The following GTF3C4 variants were observed in gnomAD, a reference collection of about 807,000 sequenced individuals.
GTF3C4 encodes general transcription factor 3C polypeptide 4.
In GTF3C4, 28 loss-of-function variants were observed where a neutral mutation model predicts 67.5. That is an observed-to-expected ratio of 0.41 (90% CI 0.31 to 0.57). The LOEUF (loss-of-function observed/expected upper bound fraction) is 0.57, where lower values mean the gene tolerates loss of function less well. Ranked by LOEUF, GTF3C4 falls within the 20% of genes least tolerant of loss-of-function variation. The probability of loss-of-function intolerance (pLI) is 0.21; values close to 1 mark genes in which losing one functional copy is unlikely to be tolerated. For missense variants in GTF3C4, 831 were observed against 1,033.2 expected (o/e 0.80, Z 2.68); for synonymous variants, 409 against 393.0 (o/e 1.04, Z -0.48).
At chr9:132,671,190 A>C (rs1433538552) in intron 1 of GTF3C4, among the ~76,000 whole-genome samples, 2 of 151,276 alleles carry the variant, frequency 1.3e-5, no homozygotes, top group Non-Finnish European at 1.5e-5. Flanking sequence ...ACACAGGTAC[A>C]CACCCAGGGG....
In GTF3C4 at chr9:132,670,628, G is replaced by A. The variant is rs765144204; in HGVS notation, c.30G>A (p.Gly10=). The A allele has an allele frequency of 3.4e-6, 5 of 1,452,014 alleles. No homozygotes were observed. The South Asian group carries it at 7.3e-5, about 21-fold the overall frequency. 89.9% of individuals were successfully genotyped at this position (1,452,014 alleles called of 1,614,324 possible). ...ACACGGCCGACCAGGCCCGGGTGGG[G>A]CCCGCGGACGACGGGCCTGCGCCGT... MNTADQARV[G]PADDGPAPSG... Residue 10 remains glycine (G), a synonymous_variant, in exon 1 of 5, where the codon GGG becomes GGA. Coordinates refer to ENST00000372146, the MANE Select transcript of GTF3C4 (RefSeq NM_012204.4).
intron 1 of GTF3C4, among the ~76,000 whole-genome samples, chr9:132,673,949 T>C (rs1211729742): frequency 6.6e-6 from 1 of 152,222 alleles, no homozygotes; most frequent in African/African-American, 2.4e-5. Context: ...TAGTGAGACA[T>C]TTGTGTATAG....
At chr9:132,687,205 C>G in intron 3 of GTF3C4, 34 bp from the exon 4 acceptor site, 1 of 1,185,574 alleles carries the variant, frequency 8.4e-7, no homozygotes, top group East Asian at 2.3e-5. Context: ...AGAGCAAACC[C>G]TCTCCCTTGC....
chr9:132,674,105 C>T (rs533736506), intron 1 of GTF3C4, among the ~76,000 whole-genome samples: 1 of 152,330 alleles, frequency 6.6e-6, no homozygotes, highest in East Asian at 1.9e-4. Flanking sequence ...AAGAAGCTTA[C>T]TGTCTAAAAG....
chr9:132,673,345 A>AT (rs1835816405), intron 1 of GTF3C4, among the ~76,000 whole-genome samples: 1 of 152,134 alleles, frequency 6.6e-6, no homozygotes, highest in African/African-American at 2.4e-5. Context: ...GGAAATCCTT[A>AT]TATAGCTCTC....
chr9:132,681,966 T>TAAAAAAAAA (rs56402111), intron 2 of GTF3C4, among the ~76,000 whole-genome samples: 5 of 114,696 alleles, frequency 4.4e-5, no homozygotes, highest in Non-Finnish European at 5.2e-5. Flanking sequence ...CTACATAAAG[T>TAAAAAAAAA]AAAAAAAAAA....
chr9:132,675,768 T>C (rs988676392), intron 1 of GTF3C4, among the ~76,000 whole-genome samples: 3 of 152,208 alleles, frequency 2.0e-5, no homozygotes, highest in Non-Finnish European at 4.4e-5. Flanking sequence ...TGAAACACAC[T>C]GTAGGAAAAG....
chr9:132,670,259 G>A, upstream of GTF3C4: 9 of 1,522,602 alleles, frequency 5.9e-6, no homozygotes, highest in African/African-American at 1.4e-5. Context: ...TCTCACCGAC[G>A]AGCCTCCCCT....
chr9:132,675,771 A>G (rs1237348805), intron 1 of GTF3C4, among the ~76,000 whole-genome samples: 1 of 152,152 alleles, frequency 6.6e-6, no homozygotes, highest in Non-Finnish European at 1.5e-5. Flanking sequence ...AACACACTGT[A>G]GGAAAAGTTA....
At chr9:132,674,319 A>G (rs1372963430) in intron 1 of GTF3C4, among the ~76,000 whole-genome samples, 1 of 152,246 alleles carries the variant, frequency 6.6e-6, no homozygotes, top group Non-Finnish European at 1.5e-5. Context: ...CTCCTTGGGC[A>G]TCTGAATACT....
intron 3 of GTF3C4, among the ~76,000 whole-genome samples, chr9:132,686,711 C>T (rs546834425): frequency 2.2e-4 from 33 of 152,256 alleles, no homozygotes; most frequent in Non-Finnish European, 3.4e-4. Flanking sequence ...CCCCAGTGTA[C>T]TGTCAGAGTC....
chr9:132,671,777 A>G (rs552771222), intron 1 of GTF3C4, among the ~76,000 whole-genome samples: 2 of 152,202 alleles, frequency 1.3e-5, no homozygotes, highest in Admixed American at 1.3e-4. Context: ...GTGCTGCCCC[A>G]TGTTCTGGAA....
chr9:132,670,719 C>T lies in GTF3C4; in HGVS notation c.121C>T (p.Pro41Ser). 1 of 1,529,084 alleles carries T rather than the reference C, an allele frequency of 6.5e-7. No homozygotes were observed. Among genetic ancestry groups the T allele is most frequent in the Non-Finnish European group, 8.7e-7 (1 of 1,145,066 alleles). 94.7% of individuals were successfully genotyped at this position (1,529,084 alleles called of 1,614,324 possible). ...GAAGGAGCCAGCAGCGGACGCGGCC[C>T]CGGGGCCCAGCGCTGCATTCCGCCT... is the stretch of plus-strand genomic sequence containing the variant. ...GGKEPAADAA[P>S]GPSAAFRLMV... Residue 41 changes from proline to serine, a missense_variant, in exon 1 of 5, where the codon CCG (proline) becomes TCG (serine). Physicochemically the swap from Pro to Ser is moderately conservative, Grantham distance 74 (BLOSUM62 -1). Transcript: ENST00000372146.
At position 132,670,675 on chromosome 9, in the gene GTF3C4, G is replaced by C. The variant is rs1028873172; in HGVS notation, c.77G>C (p.Gly26Ala). The C allele has an allele frequency of 4.0e-6, 6 of 1,509,134 alleles. No individual in the cohort carries two copies. In the African/African-American group the frequency reaches 8.5e-5, roughly 21 times the overall value. The allele number at this position is 1,509,134 out of a possible 1,614,324, so 93.5% of individuals were successfully genotyped here. A position where few individuals can be genotyped will look rare whatever the true frequency, so the allele number is the denominator to read the frequency against. The change falls in exon 1 of 5, where the codon GGG (glycine) becomes GCG (alanine). Residue 26 changes from glycine to alanine, a missense_variant. Transcript: ENST00000372146. ...CCGTCTGGGGAGGAGGAGGGAGAGG[G>C]GGGCGGCGAGGCGGGCGGGAAGGAG... ...PAPSGEEEGE[G>A]GGEAGGKEPA...
chr9:132,678,234 G>C lies in GTF3C4; in HGVS notation c.615G>C (p.Leu205=), dbSNP rs775140462. 4.3e-5 allele frequency: 69 copies of C among 1,614,100 alleles called. No individual in the cohort carries two copies. The highest frequency in any genetic ancestry group is 5.3e-5 in the Non-Finnish European group (62 of 1,180,044). ...TCAACAGACTGCAGTGGGTCCAGCTGGTTGACCTGACTGAGATCTATGGAG... is the reference window on the plus strand; with the variant it reads ...TCAACAGACTGCAGTGGGTCCAGCTCGTTGACCTGACTGAGATCTATGGAG... ...ANLNRLQWVQ[L]VDLTEIYGER... is the part of the protein sequence containing the mutation. The change falls in exon 2 of 5, where the codon CTG becomes CTC. Residue 205 remains leucine, a synonymous_variant. Coordinates refer to ENST00000372146, the MANE Select transcript of GTF3C4 (RefSeq NM_012204.4). This position sits in a 1 kb window ranked among gnomAD's most constrained non-coding sequence, Gnocchi z 6.5.
At chr9:132,670,148 C>T, upstream of GTF3C4, 2 of 1,593,788 alleles carry the variant, frequency 1.3e-6, no homozygotes, top group Non-Finnish European at 8.6e-7. Flanking sequence ...CTGGTGGCAG[C>T]CCCTCTCTGC....
chr9:132,688,555 C>A (rs1836064496), intron 4 of GTF3C4, among the ~76,000 whole-genome samples: 1 of 152,208 alleles, frequency 6.6e-6, no homozygotes, highest in South Asian at 2.1e-4. Flanking sequence ...AATATTTTAA[C>A]ATTAACAATG....
intron 1 of GTF3C4, among the ~76,000 whole-genome samples, chr9:132,677,165 G>A (rs1297506250): frequency 6.6e-6 from 1 of 152,194 alleles, no homozygotes; most frequent in Admixed American, 6.5e-5. Flanking sequence ...ACTTTGGGAG[G>A]CCGAGGCAGG....
intron 4 of GTF3C4, among the ~76,000 whole-genome samples, chr9:132,687,767 G>A (rs1836053672): frequency 6.6e-6 from 1 of 152,076 alleles, no homozygotes; most frequent in Admixed American, 6.6e-5. Context: ...TTTTTTCCTG[G>A]TTGGTCTATG....
Sources: gnomAD v4.1 joint callset for allele counts (sites outside exome capture counted in the v4.1 genomes callset) on GRCh38, gnomAD v4.1.1 for gene constraint, Gnocchi (gnomAD v3.1) non-coding constraint, MANE v1.5 for transcripts, NCBI Gene and HGNC (gene_info 2026-07-23, HGNC 2026-07-21) for gene names.